GADL1: variants seen among roughly 807,000 people sequenced by gnomAD.
The protein encoded by GADL1 is GAD like acidic amino acid decarboxylase 1.
A neutral mutation model predicts 69.5 loss-of-function variants in GADL1; 71 were observed. The ratio of observed to expected loss-of-function variants is 1.02; its 90% CI spans 0.84 to 1.25. The LOEUF (loss-of-function observed/expected upper bound fraction) is 1.25. GADL1 is among the 50% of genes most tolerant of loss of function. GADL1 has a pLI of 0.00. For missense variants in GADL1, 737 were observed against 631.8 expected (o/e 1.17, Z -1.79); for synonymous variants, 254 against 214.4 (o/e 1.18, Z -1.62).
Position 30,839,004 on chromosome 3 carries a change from T to C in GADL1, c.896A>G (p.His299Arg), listed in dbSNP as rs1330476174. ...DICERHSLWL[H>R]VDASWGGSAL... The stretch of plus-strand genomic sequence containing the variant: ...ACACATAAATGAACTTACATCTACA[T>C]GAAGCCAGAGGCTGTGCCTCTCGCA... The change falls in exon 9 of 15, where the codon CAT becomes CGT. Residue 299 changes from histidine to arginine, a missense_variant. His to Arg is a conservative substitution (Grantham distance 29). Coordinates refer to ENST00000282538, the MANE Select transcript of GADL1 (RefSeq NM_207359.3). 1.3e-6 allele frequency: 2 copies of C among 1,581,916 alleles called. No homozygotes were observed. The highest frequency in any genetic ancestry group is 2.3e-5 in the East Asian group (1 of 44,034).
At chr3:30,810,236 G>A (rs569968732) in intron 11 of GADL1, among the ~76,000 whole-genome samples, 3 of 152,278 alleles carry the variant, frequency 2.0e-5, no homozygotes, top group African/African-American at 7.2e-5. Flanking sequence ...TGGGTGCTGT[G>A]TGCTAGGTTT....
At chr3:30,831,071 C>A (rs1379406038) in intron 11 of GADL1, among the ~76,000 whole-genome samples, 2 of 151,962 alleles carry the variant, frequency 1.3e-5, no homozygotes, top group Non-Finnish European at 2.9e-5. Flanking sequence ...ATACTGCAAG[C>A]CTTTTTCTTA....
intron 12 of GADL1, among the ~76,000 whole-genome samples, chr3:30,789,940 G>T (rs1340917771): frequency 6.6e-6 from 1 of 152,176 alleles, no homozygotes; most frequent in Non-Finnish European, 1.5e-5. Context: ...CAATAAAGTT[G>T]TTTCGCTTTC....
intron 13 of GADL1, among the ~76,000 whole-genome samples, chr3:30,780,115 A>G (rs1442835466): frequency 1.3e-5 from 2 of 152,138 alleles, no homozygotes; most frequent in Non-Finnish European, 2.9e-5. Flanking sequence ...TTTTCCTGGC[A>G]TACTCCCCTC....
chr3:30,812,104 A>G (rs1697368538), intron 11 of GADL1, among the ~76,000 whole-genome samples: 2 of 152,240 alleles, frequency 1.3e-5, no homozygotes, highest in Admixed American at 1.3e-4. Context: ...ACCCATTATA[A>G]GAGTTTTATT....
chr3:30,768,890 A>G (rs1240228863), intron 14 of GADL1, among the ~76,000 whole-genome samples: 1 of 152,116 alleles, frequency 6.6e-6, no homozygotes, highest in East Asian at 1.9e-4. Context: ...GTGAACGAAA[A>G]CATGAGCAAA....
chr3:30,822,470 G>A (rs955060812), intron 11 of GADL1, among the ~76,000 whole-genome samples: 6 of 151,958 alleles, frequency 3.9e-5, no homozygotes, highest in Non-Finnish European at 1.5e-5. Context: ...TAAACCCAAG[G>A]AGCCTCTGTT....
intron 11 of GADL1, among the ~76,000 whole-genome samples, chr3:30,829,488 C>T (rs1368855311): frequency 6.6e-6 from 1 of 151,818 alleles, no homozygotes; most frequent in Non-Finnish European, 1.5e-5. Context: ...AACAGAAGAA[C>T]CAATTAGAAT....
At chr3:30,774,961 G>A (rs948110700) in intron 14 of GADL1, among the ~76,000 whole-genome samples, 1 of 152,074 alleles carries the variant, frequency 6.6e-6, no homozygotes, top group Non-Finnish European at 1.5e-5. Flanking sequence ...GAGGCAGAGA[G>A]ACCAGAAAAG....
chr3:30,812,036 G>C (rs770434962), intron 11 of GADL1, among the ~76,000 whole-genome samples: 5 of 152,166 alleles, frequency 3.3e-5, no homozygotes, highest in African/African-American at 1.2e-4. Context: ...CTGAAGTGTT[G>C]AGTTTTTCTG....
chr3:30,804,274 T>C (rs1418957585), intron 11 of GADL1, among the ~76,000 whole-genome samples: 1 of 152,122 alleles, frequency 6.6e-6, no homozygotes. Flanking sequence ...TATGGAAAGC[T>C]GGTAGGAAGC....
At chr3:30,868,892 C>T (rs557791644) in intron 1 of GADL1, among the ~76,000 whole-genome samples, 1 of 151,862 alleles carries the variant, frequency 6.6e-6, no homozygotes, top group Admixed American at 6.6e-5. Flanking sequence ...TTGGGGGAGG[C>T]CAAGGAGCTC....
rs1408459458 is a variant in GADL1, at chr3:30,839,200, T to C, written c.787-87A>G. The C allele has an allele frequency of 3.7e-6, 3 of 811,242 alleles. No individual in the cohort carries two copies. The African/African-American group carries it at 5.4e-5, about 15-fold the overall frequency. 50.3% of individuals were successfully genotyped at this position (811,242 alleles called of 1,614,324 possible). A position where few individuals can be genotyped will look rare whatever the true frequency, so the allele number is the denominator to read the frequency against. ...GCTGGAAAATATAAAGGGTTATGCA[T>C]CCAGAGAGTTATTTGGGTTTTTTGG... On this transcript the variant is annotated intron_variant, in intron 8 of 14. Transcript: ENST00000282538.
At chr3:30,843,167 A>G (rs941603454) in intron 8 of GADL1, among the ~76,000 whole-genome samples, 2 of 152,056 alleles carry the variant, frequency 1.3e-5, no homozygotes, top group Non-Finnish European at 2.9e-5. Flanking sequence ...AAGCTCCATC[A>G]GCAGGCAGCG....
chr3:30,881,512 G>A lies in GADL1; in HGVS notation c.37+13066C>T, dbSNP rs149926649. On this transcript the variant is annotated intron_variant, in intron 1 of 14. Coordinates refer to ENST00000282538, the MANE Select transcript of GADL1 (RefSeq NM_207359.3). ...GGATGCTACTGGAATTCAAGAGAAG[G>A]AAGAAAATATCACTGACCTTCATGG... Among the ~76,000 whole-genome samples, 273 of 151,782 alleles carry A rather than the reference G, an allele frequency of 1.8e-3. 1 individual carries two copies. The highest frequency in any genetic ancestry group is 2.9e-3 in the South Asian group (14 of 4,798).
In GADL1 at chr3:30,861,576, C is replaced by A; in HGVS notation, c.210+17G>T. Reference sequence around the variant, plus strand: ...TCTTTCCCATTTCTGCAATTTCTTACAGGTTTTAATTTTTACCTTCTCATT... The same window carrying A: ...TCTTTCCCATTTCTGCAATTTCTTAAAGGTTTTAATTTTTACCTTCTCATT... On this transcript the variant is annotated intron_variant, in intron 2 of 14. Transcript: ENST00000282538. 1 of 1,529,974 alleles carries A rather than the reference C, an allele frequency of 6.5e-7. No individual in the cohort carries two copies. 94.8% of individuals were successfully genotyped at this position (1,529,974 alleles called of 1,614,324 possible).
intron 14 of GADL1, among the ~76,000 whole-genome samples, chr3:30,770,980 TA>T (rs1235387923): frequency 6.6e-6 from 1 of 152,124 alleles, no homozygotes; most frequent in Non-Finnish European, 1.5e-5. Context: ...AGCAAAGTAA[TA>T]ACAAATTTTA....
At chr3:30,890,286 T>A (rs1233538349) in intron 1 of GADL1, among the ~76,000 whole-genome samples, 1 of 152,204 alleles carries the variant, frequency 6.6e-6, no homozygotes, top group Non-Finnish European at 1.5e-5. Context: ...AAACACATGT[T>A]AAATATATGT....
intron 14 of GADL1, among the ~76,000 whole-genome samples, chr3:30,772,130 TATC>T (rs960243326): frequency 1.1e-4 from 16 of 150,646 alleles, no homozygotes; most frequent in South Asian, 6.3e-4. Context: ...ATATCTGGAA[TATC>T]ATCAAGTTTT....
Sources: allele counts gnomAD v4.1 joint callset (sites outside exome capture counted in the v4.1 genomes callset), GRCh38; gene constraint gnomAD v4.1.1; transcripts MANE v1.5; gene names NCBI Gene and HGNC (gene_info 2026-07-23, HGNC 2026-07-21).